Variants in LHCGR observed in about 807,000 individuals in gnomAD.
LHCGR encodes the protein lutropin-choriogonadotropic hormone receptor.
In LHCGR, 55 loss-of-function variants were observed where a neutral mutation model predicts 60.7. The observed-to-expected ratio is 0.91, with a 90% CI of 0.73 to 1.13. The LOEUF is 1.13. Among genes scored for constraint, LHCGR ranks in the 50% most tolerant of loss-of-function variants. The pLI is 0.00. For synonymous variants in LHCGR, 337 were observed against 316.5 expected (o/e 1.06, Z -0.69); for missense variants, 862 against 836.0 (o/e 1.03, Z -0.38).
intron 1 of LHCGR, among the ~76,000 whole-genome samples, chr2:48,747,906 T>C (rs556560310): frequency 6.6e-6 from 1 of 152,206 alleles, no homozygotes; most frequent in South Asian, 2.1e-4. Flanking sequence ...GGGCATATGT[T>C]GTTGCTCAGT....
At chr2:48,721,620 C>A (rs1668500572) in intron 6 of LHCGR, 2 of 459,922 alleles carry the variant, frequency 4.3e-6, no homozygotes. Flanking sequence ...ACCAAGGATA[C>A]CAATTTTTAG....
At chr2:48,689,357 G>T (rs540453343) in intron 10 of LHCGR, among the ~76,000 whole-genome samples, 5 of 152,144 alleles carry the variant, frequency 3.3e-5, no homozygotes, top group African/African-American at 9.6e-5. Context: ...CTCTCATTTA[G>T]TTGCCAACCA....
chr2:48,735,620 C>T (rs1669177147), intron 1 of LHCGR, among the ~76,000 whole-genome samples: 1 of 152,206 alleles, frequency 6.6e-6, no homozygotes, highest in Non-Finnish European at 1.5e-5. Context: ...GACTTTCAAA[C>T]TGGGCCCCTT....
intron 4 of LHCGR, 73 bp from the exon 5 acceptor site, chr2:48,723,769 A>G: frequency 8.9e-7 from 1 of 1,120,378 alleles, no homozygotes. Context: ...CATAAAGATA[A>G]AAAGAGAGTA....
In LHCGR at chr2:48,687,802, A is replaced by G; in HGVS notation, c.1995T>C (p.Asn665=). The G allele has an allele frequency of 2.5e-6, 4 of 1,614,202 alleles. No individual in the cohort carries two copies. The highest frequency in any genetic ancestry group is 3.4e-6 in the Non-Finnish European group (4 of 1,180,022). ...DFSAYTSNCK[N]GFTGSNKPSQ... The stretch of plus-strand genomic sequence containing the variant: ...AAGGCTTATTTGATCCAGTGAAGCC[A>G]TTTTTGCAGTTGGAGGTGTAAGCTG... The change falls in exon 11 of 11, where the codon AAT becomes AAC. Residue 665 remains asparagine, a synonymous_variant. Transcript: ENST00000294954.
rs556334887 is a variant in LHCGR, at chr2:48,732,752, G to A, written c.162-1454C>T. On this transcript the variant is annotated intron_variant, in intron 1 of 10. Coordinates refer to ENST00000294954, the MANE Select transcript of LHCGR (RefSeq NM_000233.4). ...ACATTCGCTCTATTTCTTCTGCAAA[G>A]CGGTTTACCAGCCGTTCCTCCCTAG... The A allele has an allele frequency of 1.0e-3, 465 of 453,494 alleles. 4 individuals are homozygous for A. Among genetic ancestry groups the A allele is most frequent in the South Asian group, 4.6e-3 (266 of 57,462 alleles). 28.1% of individuals were successfully genotyped at this position (453,494 alleles called of 1,614,324 possible). A position where few individuals can be genotyped will look rare whatever the true frequency, so the allele number is the denominator to read the frequency against.
chr2:48,697,188 G>A (rs955788665), intron 9 of LHCGR, among the ~76,000 whole-genome samples: 7 of 152,144 alleles, frequency 4.6e-5, no homozygotes, highest in Non-Finnish European at 8.8e-5. Flanking sequence ...CTTCACATGA[G>A]CTATTCTATC....
At chr2:48,734,472 T>G (rs1273479789) in intron 1 of LHCGR, among the ~76,000 whole-genome samples, 1 of 152,196 alleles carries the variant, frequency 6.6e-6, no homozygotes, top group Non-Finnish European at 1.5e-5. Context: ...TATGACCAAC[T>G]TAACCCTCTG....
intron 3 of LHCGR, 140 bp downstream of exon 3, chr2:48,729,013 G>A (rs1426733731): frequency 2.7e-6 from 2 of 754,604 alleles, no homozygotes; most frequent in Non-Finnish European, 4.7e-6. Context: ...AAAAATTAGT[G>A]CCTGCCCAGA....
chr2:48,755,711 G>C lies in LHCGR; in HGVS notation c.-40C>G. 6.5e-7 allele frequency: 1 copy of C among 1,533,176 alleles called. No homozygotes were observed. Among genetic ancestry groups the C allele is most frequent in the Non-Finnish European group, 8.7e-7 (1 of 1,146,234 alleles). 95.0% of individuals were successfully genotyped at this position (1,533,176 alleles called of 1,614,324 possible). On this transcript the variant is annotated 5_prime_UTR_variant, in exon 1 of 11. Coordinates refer to ENST00000294954, the MANE Select transcript of LHCGR (RefSeq NM_000233.4). ...GCTTCTGCGGCTTGCCAGTGTCTTG[G>C]ACGGCCTCTGAGTGCGGCCCGCACC...
At chr2:48,722,406 G>C (rs1015990131) in intron 6 of LHCGR, among the ~76,000 whole-genome samples, 1 of 152,204 alleles carries the variant, frequency 6.6e-6, no homozygotes, top group African/African-American at 2.4e-5. Context: ...ATATGGTTTA[G>C]ATCTGTGTTT....
At chr2:48,701,481 T>TG (rs1188575188) in intron 8 of LHCGR, among the ~76,000 whole-genome samples, 8 of 152,148 alleles carry the variant, frequency 5.3e-5, no homozygotes, top group African/African-American at 1.9e-4. Context: ...TTCCCCCTCC[T>TG]GGAACACTTT....
intron 1 of LHCGR, among the ~76,000 whole-genome samples, chr2:48,742,464 T>G (rs544130599): frequency 2.8e-4 from 43 of 151,154 alleles, no homozygotes; most frequent in African/African-American, 9.2e-4. Context: ...TCAGCAAATG[T>G]AAAAGAACAG....
chr2:48,704,520 G>C (rs899068717), intron 8 of LHCGR, among the ~76,000 whole-genome samples: 1 of 152,094 alleles, frequency 6.6e-6, no homozygotes, highest in African/African-American at 2.4e-5. Context: ...GCCTGGTCCT[G>C]GACTCTTTTT....
chr2:48,734,949 C>T (rs780920301), intron 1 of LHCGR, among the ~76,000 whole-genome samples: 12 of 152,130 alleles, frequency 7.9e-5, no homozygotes, highest in Non-Finnish European at 1.2e-4. Flanking sequence ...AAAGGTGAGA[C>T]GGCTGTGGAA....
intron 10 of LHCGR, among the ~76,000 whole-genome samples, chr2:48,691,670 AC>A (rs1400191812): frequency 1.3e-5 from 2 of 151,998 alleles, no homozygotes; most frequent in African/African-American, 4.8e-5. Context: ...ATATGGCAAA[AC>A]CCTGTCTCTA....
chr2:48,694,113 G>A (rs566109769), intron 10 of LHCGR, 111 bp downstream of exon 10: 59 of 754,086 alleles, frequency 7.8e-5, no homozygotes, highest in Non-Finnish European at 1.3e-4. Context: ...AAGTTGCTTT[G>A]CAACAGCTCC....
chr2:48,691,628 C>T (rs1666833685), intron 10 of LHCGR, among the ~76,000 whole-genome samples: 1 of 152,010 alleles, frequency 6.6e-6, no homozygotes, highest in African/African-American at 2.4e-5. Context: ...GGCAGATCAC[C>T]TGAGGTCAGG....
chr2:48,706,673 A>G (rs759613915), intron 8 of LHCGR, among the ~76,000 whole-genome samples: 3 of 151,660 alleles, frequency 2.0e-5, no homozygotes, highest in Non-Finnish European at 4.4e-5. Flanking sequence ...CTTCCACTTG[A>G]TCTAATTGGC....
Sources: gnomAD v4.1 joint callset for allele counts (sites outside exome capture counted in the v4.1 genomes callset) on GRCh38, gnomAD v4.1.1 for gene constraint, MANE v1.5 for transcripts, NCBI Gene and HGNC (gene_info 2026-07-23, HGNC 2026-07-21) for gene names.